GPR146: variants seen among roughly 807,000 people sequenced by gnomAD.
GPR146 encodes G protein-coupled receptor 146.
For missense variants in GPR146, 381 were observed against 213.9 expected (o/e 1.78, Z -4.87); for synonymous variants, 203 against 104.3 (o/e 1.95, Z -5.77).
chr7:1,047,004 C>A (rs1782644644), intron 1 of GPR146, among the ~76,000 whole-genome samples: 1 of 152,230 alleles, frequency 6.6e-6, no homozygotes, highest in African/African-American at 2.4e-5. Flanking sequence ...CCAGAGTCTG[C>A]AGTAGAGACT....
intron 1 of GPR146, chr7:1,055,195 C>G (rs879891003): frequency 5.8e-5 from 27 of 468,096 alleles, no homozygotes; most frequent in Non-Finnish European, 1.0e-4. Context: ...CCCCTCGTTT[C>G]TGGAACCCGG....
intron 1 of GPR146, among the ~76,000 whole-genome samples, chr7:1,054,184 A>G (rs1166441416): frequency 6.6e-6 from 1 of 152,166 alleles, no homozygotes; most frequent in African/African-American, 2.4e-5. Context: ...TGCCTGGTAA[A>G]AGGAGGGCTC....
At chr7:1,046,183 GAGA>G (rs1782562067) in intron 1 of GPR146, among the ~76,000 whole-genome samples, 1 of 152,222 alleles carries the variant, frequency 6.6e-6, no homozygotes, top group Admixed American at 6.5e-5. Flanking sequence ...CTGGGGCAGG[GAGA>G]AGAAGGGGCT....
At chr7:1,045,888 G>A (rs1782532649) in intron 1 of GPR146, 1 of 152,276 alleles carries the variant, frequency 6.6e-6, no homozygotes, top group Non-Finnish European at 1.5e-5. Context: ...GTGTCATCCT[G>A]CCTCTCTAGC....
intron 1 of GPR146, among the ~76,000 whole-genome samples, chr7:1,054,378 T>C (rs1297634729): frequency 6.6e-6 from 1 of 152,170 alleles, no homozygotes; most frequent in African/African-American, 2.4e-5. Flanking sequence ...CCTTCAGTAT[T>C]TGTCAGCTGC....
At chr7:1,051,780 C>T (rs1783136548) in intron 1 of GPR146, among the ~76,000 whole-genome samples, 1 of 152,194 alleles carries the variant, frequency 6.6e-6, no homozygotes. Flanking sequence ...TTGAGACTAG[C>T]CTGGGCAACA....
chr7:1,050,236 G>A (rs1377321502), intron 1 of GPR146, among the ~76,000 whole-genome samples: 5 of 152,214 alleles, frequency 3.3e-5, no homozygotes, highest in Non-Finnish European at 5.9e-5. Flanking sequence ...AGGCACAGTG[G>A]CCCAAAGTCA....
rs748300290 is a variant in GPR146 at position 1,057,786 on chromosome 7, C to T, written c.271C>T (p.Arg91Trp). The part of the protein sequence containing the change: ...PVHLLGPPSS[R>W]WALWSVGGEV... ...GCACCTGCTCGGCCCCCCGAGCTCCCGGTGGGCGCTGTGGAGTGTGGGCGG... is the reference window on the plus strand; with the variant it reads ...GCACCTGCTCGGCCCCCCGAGCTCCTGGTGGGCGCTGTGGAGTGTGGGCGG... The change falls in exon 2 of 2, where the codon CGG (arginine) becomes TGG (tryptophan). Residue 91 changes from arginine (R) to tryptophan (W), a missense_variant. Coordinates refer to ENST00000444847, the MANE Select transcript of GPR146 (RefSeq NM_001303473.2). 9.0e-6 allele frequency: 7 copies of T among 776,004 alleles called. No homozygotes were observed. Among genetic ancestry groups the T allele is most frequent in the Middle Eastern group, 2.3e-4 (1 of 4,440 alleles). 48.1% of individuals were successfully genotyped at this position (776,004 alleles called of 1,614,324 possible). A position where few individuals can be genotyped will look rare whatever the true frequency, so the allele number is the denominator to read the frequency against.
Position 1,052,601 on chromosome 7 carries a change from GAAGCTGGTGGTC to G in GPR146, c.-24-4878_-24-4867del, listed in dbSNP as rs372178975. The stretch of plus-strand genomic sequence containing the variant: ...GGGAGGGTGGCCAGGAACTGGGGGA[GAAGCTGGTGGTC>G]AAGCTGGTGGTCTCTCAGTGCAAGG... On this transcript the variant is annotated intron_variant, in intron 1 of 1. Coordinates refer to ENST00000444847, the MANE Select transcript of GPR146 (RefSeq NM_001303473.2). This position sits in a 1 kb window ranked among gnomAD's most constrained non-coding sequence, Gnocchi z 4.2. 2.5e-3 allele frequency among the ~76,000 whole-genome samples: 377 copies of G among 152,300 alleles called. 2 individuals carry two copies. Among genetic ancestry groups the G allele is most frequent in the African/African-American group, 8.3e-3 (347 of 41,566 alleles).
rs192328257 is a variant in GPR146 at position 1,051,076 on chromosome 7, G to A, written c.-24-6416G>A. Among the ~76,000 whole-genome samples, 54 of 152,324 alleles carry A rather than the reference G, an allele frequency of 3.5e-4. No individual in the cohort carries two copies. The East Asian group carries it at 5.4e-3, about 15-fold the overall frequency. On this transcript the variant is annotated intron_variant, in intron 1 of 1. Transcript: ENST00000444847. ...TATGGGGCCCAGAGGCCACCCCTGC[G>A]TCGCAGAGGGCACCAGCACACCCGG...
chr7:1,052,883 C>G lies in GPR146; in HGVS notation c.-24-4609C>G, dbSNP rs79808627. On this transcript the variant is annotated intron_variant, in intron 1 of 1. Transcript: ENST00000444847. This position sits in a 1 kb window ranked among gnomAD's most constrained non-coding sequence, Gnocchi z 4.2. ...TGCCTTCTGAGGGAGCCTCCAGAATCTTTCATCGCCGCCACAACAAACTCA... is the reference window on the plus strand; with the variant it reads ...TGCCTTCTGAGGGAGCCTCCAGAATGTTTCATCGCCGCCACAACAAACTCA... Among the ~76,000 whole-genome samples, 21,132 of 152,204 alleles carry G rather than the reference C, an allele frequency of 0.14. 1,732 individuals carry two copies. Among genetic ancestry groups the G allele is most frequent in the Middle Eastern group, 0.22 (66 of 294 alleles).
intron 1 of GPR146, among the ~76,000 whole-genome samples, chr7:1,057,145 C>T (rs558518124): frequency 3.9e-5 from 6 of 152,220 alleles, no homozygotes; most frequent in Admixed American, 6.5e-5. Context: ...TAGTAAACTT[C>T]GGGAATCACT....
At chr7:1,055,489 A>C (rs1416869203) in intron 1 of GPR146, 4 of 455,256 alleles carry the variant, frequency 8.8e-6, no homozygotes, top group Non-Finnish European at 1.8e-5. Context: ...TAAAGGTGAG[A>C]GCCTGTGGTG....
intron 1 of GPR146, chr7:1,056,973 T>C (rs1038549278): frequency 6.2e-6 from 1 of 161,044 alleles, no homozygotes; most frequent in African/African-American, 2.4e-5. Flanking sequence ...GAGCCTCCTG[T>C]GGGCTGCGAC....
At chr7:1,045,255 G>A (rs1309205673) in intron 1 of GPR146, 3 of 152,218 alleles carry the variant, frequency 2.0e-5, no homozygotes, top group Admixed American at 6.5e-5. Context: ...TATGAATCTT[G>A]ATGTGACTGG....
intron 1 of GPR146, among the ~76,000 whole-genome samples, chr7:1,047,015 C>G (rs372363449): frequency 1.3e-5 from 2 of 152,224 alleles, no homozygotes; most frequent in Non-Finnish European, 2.9e-5. Context: ...AGTAGAGACT[C>G]TCTGTTCTTG....
At chr7:1,053,073 G>A (rs376359673) in intron 1 of GPR146, among the ~76,000 whole-genome samples, 2 of 152,234 alleles carry the variant, frequency 1.3e-5, no homozygotes, top group African/African-American at 2.4e-5. Context: ...CTGCCCAGTG[G>A]GGGGAGAAGC....
intron 1 of GPR146, chr7:1,055,534 T>G (rs1388938686): frequency 6.8e-6 from 3 of 442,624 alleles, no homozygotes; most frequent in Admixed American, 2.4e-5. Context: ...GGGGGCTCTG[T>G]GCAGTACAGG....
intron 1 of GPR146, among the ~76,000 whole-genome samples, chr7:1,048,844 G>A (rs973266436): frequency 1.9e-4 from 29 of 152,230 alleles, no homozygotes; most frequent in African/African-American, 6.8e-4. Flanking sequence ...GACCCCTGGA[G>A]CAGGTTCTCC....
Sources: gnomAD v4.1 joint callset for allele counts (sites outside exome capture counted in the v4.1 genomes callset) on GRCh38, gnomAD v4.1.1 for gene constraint, Gnocchi (gnomAD v3.1) non-coding constraint, MANE v1.5 for transcripts, NCBI Gene and HGNC (gene_info 2026-07-23, HGNC 2026-07-21) for gene names.